Variants in CTNNA3 observed in about 807,000 individuals in gnomAD.
CTNNA3 encodes catenin alpha 3.
Under a neutral mutation model 95.7 loss-of-function variants are expected in CTNNA3, and 76 were observed. That is an observed-to-expected ratio of 0.79 (90% CI 0.66 to 0.96). The LOEUF (loss-of-function observed/expected upper bound fraction) is 0.96. Ranked by LOEUF, CTNNA3 falls within the 40% of genes least tolerant of loss-of-function variation. The probability of loss-of-function intolerance (pLI) is 0.00; values close to 1 mark genes in which losing one functional copy is unlikely to be tolerated. For synonymous variants in CTNNA3, 431 were observed against 374.4 expected (o/e 1.15, Z -1.74); for missense variants, 1,191 against 1,089.8 (o/e 1.09, Z -1.31).
intron 7 of CTNNA3, among the ~76,000 whole-genome samples, chr10:66,935,715 C>T (rs1242673986): frequency 6.6e-6 from 1 of 150,898 alleles, no homozygotes; most frequent in East Asian, 1.9e-4. Flanking sequence ...TTATTATGTA[C>T]CAGGAATTTG....
At chr10:66,400,523 G>T (rs1323456972) in intron 11 of CTNNA3, among the ~76,000 whole-genome samples, 2 of 151,964 alleles carry the variant, frequency 1.3e-5, no homozygotes, top group East Asian at 3.9e-4. Flanking sequence ...GATATATATA[G>T]ATATAGATAT....
At chr10:67,711,862 C>A (rs969214727) in intron 1 of CTNNA3, among the ~76,000 whole-genome samples, 2 of 151,222 alleles carry the variant, frequency 1.3e-5, no homozygotes, top group Non-Finnish European at 2.9e-5. Flanking sequence ...CGATAGTTTA[C>A]TGAGAATGAT....
chr10:66,774,388 C>A (rs1840212176), intron 8 of CTNNA3, among the ~76,000 whole-genome samples: 1 of 152,148 alleles, frequency 6.6e-6, no homozygotes, highest in Non-Finnish European at 1.5e-5. Flanking sequence ...CACTGACCTG[C>A]TTTCTCATTT....
At chr10:67,749,639 A>C (rs900651799) in intron 1 of CTNNA3, among the ~76,000 whole-genome samples, 5 of 152,248 alleles carry the variant, frequency 3.3e-5, no homozygotes, top group African/African-American at 1.2e-4. Flanking sequence ...AATGTACCAG[A>C]ATTTCTGGGA....
intron 17 of CTNNA3, among the ~76,000 whole-genome samples, chr10:65,938,017 C>A (rs1564526540): frequency 2.6e-5 from 4 of 151,944 alleles, no homozygotes; most frequent in Non-Finnish European, 1.5e-5. Context: ...CTGATGTTGT[C>A]TTTGATAAGA....
intron 7 of CTNNA3, among the ~76,000 whole-genome samples, chr10:67,179,237 A>T (rs1242420987): frequency 6.6e-6 from 1 of 152,048 alleles, no homozygotes; most frequent in Non-Finnish European, 1.5e-5. Context: ...TATTGCTATT[A>T]TAACTTTCAT....
chr10:67,727,491 A>G (rs1841242982), intron 1 of CTNNA3, among the ~76,000 whole-genome samples: 1 of 132,770 alleles, frequency 7.5e-6, no homozygotes, highest in Non-Finnish European at 1.6e-5. Context: ...ATATTATATT[A>G]AACATAATAT....
At chr10:66,258,056 C>T (rs929799027) in intron 13 of CTNNA3, among the ~76,000 whole-genome samples, 4 of 152,092 alleles carry the variant, frequency 2.6e-5, no homozygotes, top group Admixed American at 6.6e-5. Flanking sequence ...ACAATTCTGC[C>T]CCAGGGAATC....
chr10:66,039,427 C>T (rs537754313), intron 15 of CTNNA3, among the ~76,000 whole-genome samples: 3 of 152,226 alleles, frequency 2.0e-5, no homozygotes, highest in South Asian at 2.1e-4. Context: ...CCAGGAAATC[C>T]TAAGCAAAAA....
At chr10:66,619,107 T>G (rs1844643923) in intron 10 of CTNNA3, among the ~76,000 whole-genome samples, 1 of 151,732 alleles carries the variant, frequency 6.6e-6, no homozygotes, top group African/African-American at 2.4e-5. Context: ...TTTTACACTG[T>G]TGGTGGGACT....
rs538444521 is a variant in CTNNA3, at chr10:67,689,303, G to A, written c.-6+6697C>T. Reference sequence around the variant, plus strand: ...GGAATAGCTTTTGTTAGGCCTGCTTGTCTGAAGAGGGATCCTAAAATTCCA... The same window carrying A: ...GGAATAGCTTTTGTTAGGCCTGCTTATCTGAAGAGGGATCCTAAAATTCCA... On this transcript the variant is annotated intron_variant, in intron 1 of 17. Transcript: ENST00000433211. Among the ~76,000 whole-genome samples, 9 of 152,278 alleles carry A rather than the reference G, an allele frequency of 5.9e-5. No individual in the cohort carries two copies. The South Asian group carries it at 1.9e-3, about 32-fold the overall frequency.
intron 6 of CTNNA3, among the ~76,000 whole-genome samples, chr10:67,202,976 A>T (rs1249694840): frequency 6.6e-6 from 1 of 152,208 alleles, no homozygotes; most frequent in African/African-American, 2.4e-5. Flanking sequence ...TAGTTTACAT[A>T]CCATGTATAC....
At chr10:67,548,395 AC>A (rs1042598019) in intron 3 of CTNNA3, among the ~76,000 whole-genome samples, 17 of 152,192 alleles carry the variant, frequency 1.1e-4, no homozygotes, top group African/African-American at 3.9e-4. Context: ...GCAAAAATGG[AC>A]TAACACTTTT....
At chr10:67,691,811 G>T in intron 1 of CTNNA3, among the ~76,000 whole-genome samples, 1 of 148,302 alleles carries the variant, frequency 6.7e-6, no homozygotes. Flanking sequence ...GAGGTGAGGG[G>T]CGCCTCTGCC....
chr10:67,342,099 C>CTTTTTTT (rs764381058), intron 5 of CTNNA3, among the ~76,000 whole-genome samples: 8 of 83,682 alleles, frequency 9.6e-5, no homozygotes, highest in Non-Finnish European at 1.7e-4. Flanking sequence ...TATTTTTCTT[C>CTTTTTTT]TTTTTTTTTT....
At chr10:66,043,238 A>G (rs2079745310) in intron 15 of CTNNA3, among the ~76,000 whole-genome samples, 2 of 149,068 alleles carry the variant, frequency 1.3e-5, no homozygotes, top group Admixed American at 6.7e-5. Context: ...CATGTGGGGG[A>G]AAAACACGAA....
intron 11 of CTNNA3, among the ~76,000 whole-genome samples, chr10:66,436,739 G>A (rs1413011289): frequency 6.6e-6 from 1 of 151,926 alleles, no homozygotes; most frequent in African/African-American, 2.4e-5. Flanking sequence ...CATGATGCTA[G>A]CTGGTTATTT....
chr10:66,813,665 T>C (rs562345685), intron 7 of CTNNA3, among the ~76,000 whole-genome samples: 35 of 152,310 alleles, frequency 2.3e-4, no homozygotes, highest in African/African-American at 7.9e-4. Context: ...AATGAATTTT[T>C]CTAGAAAATT....
chr10:66,208,923 T>C (rs2087938858), intron 13 of CTNNA3, among the ~76,000 whole-genome samples: 1 of 152,036 alleles, frequency 6.6e-6, no homozygotes, highest in South Asian at 2.1e-4. Flanking sequence ...ATGTACCCCA[T>C]TGCATCCCAC....
Sources: allele counts gnomAD v4.1 joint callset (sites outside exome capture counted in the v4.1 genomes callset), GRCh38; gene constraint gnomAD v4.1.1; transcripts MANE v1.5; gene names NCBI Gene and HGNC (gene_info 2026-07-23, HGNC 2026-07-21).